DIP2C: variants seen among roughly 807,000 people sequenced by gnomAD.
DIP2C encodes the protein disco-interacting protein 2 homolog C.
DIP2C carries 33 observed loss-of-function variants against 192.4 expected under a neutral mutation model. The observed-to-expected ratio is 0.17, with a 90% CI of 0.13 to 0.23. The LOEUF (loss-of-function observed/expected upper bound fraction) is 0.23. Among genes scored for constraint, DIP2C ranks in the 10% least tolerant of loss-of-function variants. The probability of loss-of-function intolerance (pLI) is 1.00; values close to 1 mark genes in which losing one functional copy is unlikely to be tolerated. For synonymous variants in DIP2C, 979 were observed against 864.1 expected, an observed-to-expected ratio of 1.13 and a Z score of -2.33; for missense variants, 1,537 against 2,110.1, an observed-to-expected ratio of 0.73 and a Z score of 5.32.
At chr10:525,874 G>C (rs1318971845) in intron 1 of DIP2C, among the ~76,000 whole-genome samples, 2 of 152,160 alleles carry the variant, frequency 1.3e-5, no homozygotes, top group African/African-American at 2.4e-5. Context: ...TCAACCCAGG[G>C]CCTCTCAGGT....
intron 32 of DIP2C, among the ~76,000 whole-genome samples, chr10:292,789 C>T (rs1453641026): frequency 6.6e-6 from 1 of 152,198 alleles, no homozygotes; most frequent in Non-Finnish European, 1.5e-5. Context: ...CTCACTAATC[C>T]TTCCCTGCAA....
intron 1 of DIP2C, among the ~76,000 whole-genome samples, chr10:619,009 T>C (rs1853659289): frequency 6.6e-6 from 1 of 152,254 alleles, no homozygotes; most frequent in African/African-American, 2.4e-5. Context: ...CACTGTGTTC[T>C]GACTGTGGCC....
intron 1 of DIP2C, among the ~76,000 whole-genome samples, chr10:528,191 C>G (rs778659860): frequency 5.3e-5 from 8 of 152,172 alleles, no homozygotes; most frequent in Non-Finnish European, 7.4e-5. Context: ...AGTCCCTGGT[C>G]ACAGCATCCT....
intron 1 of DIP2C, among the ~76,000 whole-genome samples, chr10:685,427 C>T (rs537910991): frequency 4.6e-5 from 7 of 152,024 alleles, no homozygotes; most frequent in African/African-American, 1.7e-4. Context: ...ATTACCAAAG[C>T]CACAGAGTAC....
chr10:675,303 A>G (rs1164479718), intron 1 of DIP2C, among the ~76,000 whole-genome samples: 2 of 152,228 alleles, frequency 1.3e-5, no homozygotes, highest in Admixed American at 6.5e-5. Flanking sequence ...TATTAAGAGG[A>G]AAGTTTATAG....
chr10:545,596 G>A (rs551592263), intron 1 of DIP2C, among the ~76,000 whole-genome samples: 1 of 152,316 alleles, frequency 6.6e-6, no homozygotes, highest in Non-Finnish European at 1.5e-5. Context: ...AACCCTGCCT[G>A]CACCTTGACC....
rs899300107 is a variant in DIP2C, at chr10:366,514, T to C, written c.2132-103A>G. On this transcript the variant is annotated intron_variant, in intron 18 of 36. Coordinates refer to ENST00000280886, the MANE Select transcript of DIP2C (RefSeq NM_014974.3). ...TATGAACGACACCAGTGAACAGGAA[T>C]GGGGTCTGGAGCAAAACTGCACGGA... The C allele has an allele frequency of 2.6e-5, 40 of 1,525,502 alleles. No homozygotes were observed. The Middle Eastern group carries it at 5.1e-4, about 19-fold the overall frequency. 94.5% of individuals were successfully genotyped at this position (1,525,502 alleles called of 1,614,324 possible). A position where few individuals can be genotyped will look rare whatever the true frequency, so the allele number is the denominator to read the frequency against.
At chr10:672,222 C>T (rs1830686949) in intron 1 of DIP2C, among the ~76,000 whole-genome samples, 1 of 150,436 alleles carries the variant, frequency 6.6e-6, no homozygotes, top group Non-Finnish European at 1.5e-5. Flanking sequence ...GACGCAGGGA[C>T]GGAAGAAACA....
chr10:689,526 C>A lies in DIP2C; in HGVS notation c.53G>T (p.Arg18Leu). 7.7e-7 allele frequency: 1 copy of A among 1,296,344 alleles called. No individual in the cohort carries two copies. The highest frequency in any genetic ancestry group is 1.0e-6 in the Non-Finnish European group (1 of 1,003,466). The allele number at this position is 1,296,344 out of a possible 1,614,324, so 80.3% of individuals were successfully genotyped here. ...CAGCTCCAGCTCCAGCTCGGCCAGG[C>A]GCGCCCGCACCTCCAGGGGCAGCGC... ...GMALPLEVRARLAELELELSE... is the reference protein window; with the variant it reads ...GMALPLEVRALLAELELELSE... Residue 18 changes from arginine to leucine, a missense_variant, in exon 1 of 37, where the codon CGC (arginine) becomes CTC (leucine). Arg to Leu is a moderately radical substitution (Grantham distance 102). This residue lies in a region of DIP2C where 473 missense variants were observed against 539.6 expected (regional missense o/e 0.88). Transcript: ENST00000280886. The surrounding 1 kb of genome is among the most constrained non-coding windows in gnomAD (Gnocchi z 6.1).
At chr10:495,623 G>A (rs1170389059) in intron 1 of DIP2C, among the ~76,000 whole-genome samples, 1 of 151,690 alleles carries the variant, frequency 6.6e-6, no homozygotes, top group Non-Finnish European at 1.5e-5. Context: ...GTGTCCGTGG[G>A]GGTGGGTTCC....
intron 1 of DIP2C, among the ~76,000 whole-genome samples, chr10:625,030 G>C (rs1374358000): frequency 6.6e-6 from 1 of 152,188 alleles, no homozygotes; most frequent in Non-Finnish European, 1.5e-5. Context: ...TGTTGGGCAG[G>C]AGCTGCCCAG....
intron 1 of DIP2C, among the ~76,000 whole-genome samples, chr10:591,249 C>T (rs146232061): frequency 2.0e-5 from 3 of 152,198 alleles, no homozygotes; most frequent in African/African-American, 7.2e-5. Context: ...CTCAGCCTCC[C>T]GAGTAGCTGG....
intron 32 of DIP2C, among the ~76,000 whole-genome samples, chr10:291,311 T>C (rs905056391): frequency 1.2e-4 from 18 of 152,254 alleles, no homozygotes; most frequent in Non-Finnish European, 2.5e-4. Flanking sequence ...ATTCCCTCTC[T>C]GGTTCATGTG....
intron 28 of DIP2C, among the ~76,000 whole-genome samples, chr10:341,657 A>G (rs1958155079): frequency 6.6e-6 from 1 of 152,256 alleles, no homozygotes; most frequent in South Asian, 2.1e-4. Flanking sequence ...ACAAGACAAT[A>G]AAGCCGCATT....
chr10:619,054 C>T (rs1163111810), intron 1 of DIP2C, among the ~76,000 whole-genome samples: 1 of 152,164 alleles, frequency 6.6e-6, no homozygotes. Flanking sequence ...GAATTCTAGT[C>T]GCTGTCTCCT....
chr10:529,967 C>T (rs527812042), intron 1 of DIP2C, among the ~76,000 whole-genome samples: 2 of 152,368 alleles, frequency 1.3e-5, no homozygotes, highest in South Asian at 2.1e-4. Context: ...TTCGCCACCA[C>T]GTGGCGGGCC....
At chr10:408,246 T>C (rs1964948614) in intron 9 of DIP2C, among the ~76,000 whole-genome samples, 1 of 150,452 alleles carries the variant, frequency 6.6e-6, no homozygotes, top group African/African-American at 2.5e-5. Context: ...AAATCACTTA[T>C]CCATATACAT....
intron 17 of DIP2C, among the ~76,000 whole-genome samples, chr10:380,183 A>C: frequency 1.4e-5 from 1 of 70,394 alleles, no homozygotes; most frequent in South Asian, 5.0e-4. Flanking sequence ...GTCCCTGGAA[A>C]ATGGTTAACG....
intron 3 of DIP2C, among the ~76,000 whole-genome samples, chr10:448,203 C>T (rs1422659069): frequency 1.5e-5 from 2 of 129,180 alleles, no homozygotes; most frequent in Non-Finnish European, 1.5e-5. Context: ...AGTGCGGCAG[C>T]AGGACCCACT....
Sources: allele counts gnomAD v4.1 joint callset (sites outside exome capture counted in the v4.1 genomes callset), GRCh38; gene constraint gnomAD v4.1.1; regional missense constraint gnomAD v4.1.1; non-coding constraint Gnocchi (gnomAD v3.1); transcripts MANE v1.5; gene names NCBI Gene and HGNC (gene_info 2026-07-23, HGNC 2026-07-21).